The following IL17RD variants were observed in gnomAD, a reference collection of about 807,000 sequenced individuals.
The protein encoded by IL17RD is interleukin-17 receptor D.
Under a neutral mutation model 80.5 loss-of-function variants are expected in IL17RD, and 52 were observed. The ratio of observed to expected loss-of-function variants is 0.65; its 90% CI spans 0.52 to 0.81. The LOEUF is 0.81. IL17RD is among the 40% of genes least tolerant of loss of function. The pLI is 0.00. For missense variants in IL17RD, 1,024 were observed against 955.1 expected (o/e 1.07, Z -0.95); for synonymous variants, 416 against 391.8 (o/e 1.06, Z -0.73).
chr3:57,114,176 T>A (rs1223085079), intron 3 of IL17RD, among the ~76,000 whole-genome samples: 1 of 146,042 alleles, frequency 6.8e-6, no homozygotes, highest in Non-Finnish European at 1.5e-5. Flanking sequence ...AGAGCGAAAC[T>A]ATGTCTCAAA....
chr3:57,124,580 C>G (rs765083508), intron 1 of IL17RD, among the ~76,000 whole-genome samples: 7 of 152,114 alleles, frequency 4.6e-5, no homozygotes, highest in Non-Finnish European at 7.4e-5. Flanking sequence ...CTGAAAAAGG[C>G]AAGGAATGAA....
At chr3:57,111,682 T>A (rs1707101609) in intron 3 of IL17RD, among the ~76,000 whole-genome samples, 1 of 152,072 alleles carries the variant, frequency 6.6e-6, no homozygotes, top group Non-Finnish European at 1.5e-5. Flanking sequence ...TAAAAATTCA[T>A]CGTTGGGGCC....
intron 8 of IL17RD, among the ~76,000 whole-genome samples, chr3:57,103,496 C>T (rs998652057): frequency 1.3e-5 from 2 of 152,144 alleles, no homozygotes; most frequent in Admixed American, 6.5e-5. Flanking sequence ...TCCATTAATG[C>T]TTTAAGAAGG....
chr3:57,154,283 T>TACACACACACACACACACAC (rs1553628627), intron 1 of IL17RD, among the ~76,000 whole-genome samples: 6 of 112,902 alleles, frequency 5.3e-5, no homozygotes, highest in African/African-American at 1.9e-4. Flanking sequence ...TATATATATA[T>TACACACACACACACACACAC]ACACACACAC....
chr3:57,127,223 T>A lies in IL17RD; in HGVS notation c.127-6910A>T, dbSNP rs868228544. Among the ~76,000 whole-genome samples the A allele has an allele frequency of 3.4e-5, 4 of 116,110 alleles. 1 individual carries two copies. The highest frequency in any genetic ancestry group is 4.7e-4 in the South Asian group (2 of 4,244). 76.2% of individuals were successfully genotyped at this position (116,110 alleles called of 152,430 possible). ...AAATATATATAAAAATATATATAAA[T>A]ATATATAAAAATATATAAATATATA... On this transcript the variant is annotated intron_variant, in intron 1 of 12. Coordinates refer to ENST00000296318, the MANE Select transcript of IL17RD (RefSeq NM_017563.5).
rs1430544526 is a variant in IL17RD at position 57,165,128 on chromosome 3, G to A, written c.126+33C>T. On this transcript the variant is annotated intron_variant, in intron 1 of 12. Coordinates refer to ENST00000296318, the MANE Select transcript of IL17RD (RefSeq NM_017563.5). Reference sequence around the variant, plus strand: ...TGCGCGCTGCGTCCCCCGCGAGTTGGCGACGGCAAGAAACCCGCCGCCCTC... The same window carrying A: ...TGCGCGCTGCGTCCCCCGCGAGTTGACGACGGCAAGAAACCCGCCGCCCTC... The A allele has an allele frequency of 2.0e-6, 3 of 1,498,632 alleles. No individual in the cohort carries two copies. In the East Asian group the frequency reaches 8.3e-5, roughly 41 times the overall value. The allele number at this position is 1,498,632 out of a possible 1,614,324, so 92.8% of individuals were successfully genotyped here. A position where few individuals can be genotyped will look rare whatever the true frequency, so the allele number is the denominator to read the frequency against.
At chr3:57,163,786 GGGGGGGC>G (rs1302636957) in intron 1 of IL17RD, among the ~76,000 whole-genome samples, 1 of 98,442 alleles carries the variant, frequency 1.0e-5, no homozygotes, top group Non-Finnish European at 2.0e-5. Flanking sequence ...CTAATGGGGC[GGGGGGGC>G]GGGGGGGGAA....
chr3:57,159,715 G>C (rs1383417093), intron 1 of IL17RD, among the ~76,000 whole-genome samples: 1 of 152,230 alleles, frequency 6.6e-6, no homozygotes, highest in African/African-American at 2.4e-5. Context: ...CTGGCTGCCA[G>C]GGCAGGGTGG....
At chr3:57,159,900 G>A (rs912718519) in intron 1 of IL17RD, among the ~76,000 whole-genome samples, 4 of 152,188 alleles carry the variant, frequency 2.6e-5, no homozygotes, top group African/African-American at 7.2e-5. Context: ...GGCCAGGCAC[G>A]GTGGCTCACG....
chr3:57,144,070 G>C (rs964165541), intron 1 of IL17RD, among the ~76,000 whole-genome samples: 24 of 152,318 alleles, frequency 1.6e-4, no homozygotes, highest in Non-Finnish European at 1.5e-5. Context: ...AATCAGCCCA[G>C]GGCAGAATGA....
intron 8 of IL17RD, 72 bp from the exon 9 acceptor site, chr3:57,103,217 A>G: frequency 7.7e-7 from 1 of 1,305,922 alleles, no homozygotes; most frequent in Non-Finnish European, 1.1e-6. Context: ...AAAAATGGTA[A>G]TTTCATTCAT....
At chr3:57,102,630 G>C in intron 9 of IL17RD, 41 bp from the exon 10 acceptor site, 1 of 1,080,956 alleles carries the variant, frequency 9.3e-7, no homozygotes, top group Non-Finnish European at 1.4e-6. Flanking sequence ...CTTAAGCAGT[G>C]TAAAGGTTCA....
chr3:57,154,500 T>C (rs1259370929), intron 1 of IL17RD, among the ~76,000 whole-genome samples: 4 of 152,070 alleles, frequency 2.6e-5, no homozygotes, highest in East Asian at 1.9e-4. Context: ...TCGAAAACTC[T>C]GTACTTTTAA....
At chr3:57,105,536 C>CAAAAA (rs745910085) in intron 7 of IL17RD, among the ~76,000 whole-genome samples, 1 of 35,614 alleles carries the variant, frequency 2.8e-5, no homozygotes, top group African/African-American at 1.0e-4. Context: ...GACTCCATCT[C>CAAAAA]AAAAAAAAAA....
At chr3:57,158,536 C>G (rs1156659531) in intron 1 of IL17RD, among the ~76,000 whole-genome samples, 1 of 152,192 alleles carries the variant, frequency 6.6e-6, no homozygotes, top group Non-Finnish European at 1.5e-5. Context: ...TTGTTGAGGA[C>G]AGCTGGTACC....
chr3:57,106,479 C>T (rs1220404118), intron 5 of IL17RD, among the ~76,000 whole-genome samples: 1 of 152,220 alleles, frequency 6.6e-6, no homozygotes, highest in Non-Finnish European at 1.5e-5. Context: ...ATGCTACAGT[C>T]ACATGGAGGC....
At chr3:57,111,696 C>T (rs1014855881) in intron 3 of IL17RD, among the ~76,000 whole-genome samples, 7 of 152,120 alleles carry the variant, frequency 4.6e-5, no homozygotes, top group South Asian at 2.1e-4. Flanking sequence ...TGGGGCCGGG[C>T]GCGGTGACTC....
chr3:57,107,827 T>C (rs1706998743), intron 5 of IL17RD, among the ~76,000 whole-genome samples: 1 of 152,148 alleles, frequency 6.6e-6, no homozygotes, highest in Non-Finnish European at 1.5e-5. Context: ...TAAGTGGGGA[T>C]GGTACGACTA....
At chr3:57,117,565 T>C (rs1287605308) in intron 2 of IL17RD, among the ~76,000 whole-genome samples, 4 of 152,252 alleles carry the variant, frequency 2.6e-5, no homozygotes, top group Non-Finnish European at 1.5e-5. Flanking sequence ...ATTTTCTTCC[T>C]GTATAACATT....
Sources: gnomAD v4.1 joint callset for allele counts (sites outside exome capture counted in the v4.1 genomes callset) on GRCh38, gnomAD v4.1.1 for gene constraint, MANE v1.5 for transcripts, NCBI Gene and HGNC (gene_info 2026-07-23, HGNC 2026-07-21) for gene names.